SLC34A1: variants seen among roughly 807,000 people sequenced by gnomAD.
SLC34A1 encodes solute carrier family 34 member 1, also known as sodium-dependent phosphate transport protein 2A.
A neutral mutation model predicts 51.4 loss-of-function variants in SLC34A1; 57 were observed. The ratio of observed to expected loss-of-function variants is 1.11; its 90% CI spans 0.90 to 1.38. SLC34A1 has a LOEUF of 1.38. Among genes scored for constraint, SLC34A1 ranks in the 40% most tolerant of loss-of-function variants. The pLI, the probability that SLC34A1 is intolerant of heterozygous loss-of-function variation, is 0.00. For missense variants in SLC34A1, 796 were observed against 835.6 expected, an observed-to-expected ratio of 0.95 and a Z score of 0.58; for synonymous variants, 368 against 358.0, an observed-to-expected ratio of 1.03 and a Z score of -0.32.
Position 177,388,079 on chromosome 5 carries a change from C to G in SLC34A1, c.730C>G (p.Leu244Val). ...LLPLEAATGY[L>V]HHITRLVVAS... The stretch of plus-strand genomic sequence containing the variant: ...GCCCCTGGAGGCTGCCACTGGCTAC[C>G]TGCACCACATCACTCGACTTGTGGT... Residue 244 changes from leucine (L) to valine (V), a missense_variant, in exon 7 of 13, where the codon CTG becomes GTG. Transcript: ENST00000324417. The surrounding 1 kb of genome is among the most constrained non-coding windows in gnomAD (Gnocchi z 4.3). The G allele has an allele frequency of 6.2e-7, 1 of 1,614,122 alleles. No homozygotes were observed. Among genetic ancestry groups the G allele is most frequent in the Non-Finnish European group, 8.5e-7 (1 of 1,180,016 alleles).
Position 177,396,833 on chromosome 5 carries a change from C to T in SLC34A1, c.1275C>T (p.Ala425=), listed in dbSNP as rs749159081. The T allele has an allele frequency of 6.2e-7, 1 of 1,614,252 alleles. No homozygotes were observed. The highest frequency in any genetic ancestry group is 8.5e-7 in the Non-Finnish European group (1 of 1,180,050). ...VVQSSSVFTS[A]ITPLIGLGVI... is the part of the protein sequence containing the mutation. Reference sequence around the variant, plus strand: ...AGAGCAGTTCTGTGTTCACCTCGGCCATCACCCCACTCATCGGTGAGTGCC... The same window carrying T: ...AGAGCAGTTCTGTGTTCACCTCGGCTATCACCCCACTCATCGGTGAGTGCC... The change falls in exon 11 of 13, where the codon GCC becomes GCT. Residue 425 remains alanine, a synonymous_variant. Transcript: ENST00000324417. This position sits in a 1 kb window ranked among gnomAD's most constrained non-coding sequence, Gnocchi z 4.0.
intron 8 of SLC34A1, chr5:177,390,192 A>C: frequency 4.0e-6 from 4 of 1,000,958 alleles, no homozygotes; most frequent in Non-Finnish European, 4.8e-6. Context: ...GTCTCCAGGG[A>C]AGCTATGCAC....
intron 10 of SLC34A1, among the ~76,000 whole-genome samples, chr5:177,395,785 C>T (rs1046783813): frequency 9.9e-5 from 15 of 152,072 alleles, no homozygotes; most frequent in Admixed American, 7.9e-4. Flanking sequence ...AGGTGTGCAC[C>T]GCCACACTCA....
In SLC34A1 at chr5:177,385,654, G is replaced by C. The variant is rs1762534612; in HGVS notation, c.-47-41G>C. 7 of 923,020 alleles carry C rather than the reference G, an allele frequency of 7.6e-6. No individual in the cohort carries two copies. In the Admixed American group the frequency reaches 1.4e-4, roughly 18 times the overall value. The allele number at this position is 923,020 out of a possible 1,614,324, so 57.2% of individuals were successfully genotyped here. A position where few individuals can be genotyped will look rare whatever the true frequency, so the allele number is the denominator to read the frequency against. Reference sequence around the variant, plus strand: ...CATGGGGGTTTGTGCAGGTGAGGGTGTGTGGGCATGAGTGTCCCGGACACA... The same window carrying C: ...CATGGGGGTTTGTGCAGGTGAGGGTCTGTGGGCATGAGTGTCCCGGACACA... On this transcript the variant is annotated intron_variant, in intron 1 of 12. Transcript: ENST00000324417.
At chr5:177,397,379 C>A in intron 12 of SLC34A1, 1 of 494,474 alleles carries the variant, frequency 2.0e-6, no homozygotes, top group Non-Finnish European at 3.7e-6. Flanking sequence ...GAATCCATTG[C>A]GGGGGTCAAG....
At chr5:177,385,664 G>A in intron 1 of SLC34A1, 31 bp from the exon 2 acceptor site, 1 of 1,031,590 alleles carries the variant, frequency 9.7e-7, no homozygotes, top group Non-Finnish European at 1.5e-6. Flanking sequence ...GTGTGGGCAT[G>A]AGTGTCCCGG....
intron 8 of SLC34A1, among the ~76,000 whole-genome samples, chr5:177,392,927 G>A (rs927847157): frequency 1.3e-5 from 2 of 152,194 alleles, no homozygotes; most frequent in African/African-American, 4.8e-5. Flanking sequence ...CAGATTGGGA[G>A]ATTTCATCTA....
intron 8 of SLC34A1, among the ~76,000 whole-genome samples, chr5:177,391,875 AG>A (rs1250185200): frequency 1.3e-5 from 2 of 152,218 alleles, no homozygotes; most frequent in Admixed American, 1.3e-4. Context: ...TGGCTTACCC[AG>A]GGTGGTTGGT....
chr5:177,390,000 G>A, intron 8 of SLC34A1: 1 of 1,349,964 alleles, frequency 7.4e-7, no homozygotes, highest in Non-Finnish European at 9.5e-7. Context: ...TCCCCTTTCT[G>A]GGACAGCGCC....
intron 1 of SLC34A1, among the ~76,000 whole-genome samples, chr5:177,384,979 C>T (rs963846046): frequency 5.3e-5 from 8 of 152,136 alleles, no homozygotes; most frequent in African/African-American, 1.9e-4. Flanking sequence ...GATCAGGGCA[C>T]TCCACCCCAA....
At chr5:177,390,807 C>G (rs982713374) in intron 8 of SLC34A1, among the ~76,000 whole-genome samples, 9 of 152,094 alleles carry the variant, frequency 5.9e-5, no homozygotes, top group Non-Finnish European at 1.2e-4. Context: ...GCTTAATCAC[C>G]TCCTTCAGTC....
chr5:177,393,853 AG>A, intron 9 of SLC34A1, 90 bp downstream of exon 9: 2 of 1,502,784 alleles, frequency 1.3e-6, no homozygotes, highest in African/African-American at 2.7e-5. Flanking sequence ...TATTGTGTCC[AG>A]CCCCAGGAAG....
At chr5:177,389,861 A>C in intron 8 of SLC34A1, 1 of 1,462,132 alleles carries the variant, frequency 6.8e-7, no homozygotes, top group East Asian at 2.5e-5. Context: ...TGCAGCTGAC[A>C]CTTGTCCAGC....
chr5:177,389,602 T>C (rs931224851), intron 8 of SLC34A1: 4 of 1,537,034 alleles, frequency 2.6e-6, no homozygotes, highest in African/African-American at 1.4e-5. Context: ...GCACTCTTAG[T>C]GCTCTCTGAC....
At chr5:177,393,195 G>A (rs527762968) in intron 8 of SLC34A1, among the ~76,000 whole-genome samples, 14 of 152,310 alleles carry the variant, frequency 9.2e-5, no homozygotes, top group South Asian at 4.1e-4. Flanking sequence ...CAGAAGAGAC[G>A]TGTGGGCTGG....
Position 177,386,324 on chromosome 5 carries a change from C to T in SLC34A1, c.363C>T (p.Leu121=). ...TCTTCGTCTGCTCCCTGGACATGCT[C>T]AGCTCGGCCTTCCAGCTGGCTGGAG... ...LYLFVCSLDM[L]SSAFQLAGGK... The change falls in exon 4 of 13, where the codon CTC becomes CTT. Residue 121 remains leucine, a synonymous_variant. Coordinates refer to ENST00000324417, the MANE Select transcript of SLC34A1 (RefSeq NM_003052.5). This position sits in a 1 kb window ranked among gnomAD's most constrained non-coding sequence, Gnocchi z 4.8. 6.2e-7 allele frequency: 1 copy of T among 1,614,254 alleles called. No homozygotes were observed. Among genetic ancestry groups the T allele is most frequent in the Non-Finnish European group, 8.5e-7 (1 of 1,180,038 alleles).
chr5:177,396,833 C>A lies in SLC34A1; in HGVS notation c.1275C>A (p.Ala425=), dbSNP rs749159081. Residue 425 remains alanine, a synonymous_variant, in exon 11 of 13, where the codon GCC becomes GCA. Coordinates refer to ENST00000324417, the MANE Select transcript of SLC34A1 (RefSeq NM_003052.5). This position sits in a 1 kb window ranked among gnomAD's most constrained non-coding sequence, Gnocchi z 4.0. ...AGAGCAGTTCTGTGTTCACCTCGGC[C>A]ATCACCCCACTCATCGGTGAGTGCC... ...VVQSSSVFTS[A]ITPLIGLGVI... is the part of the protein sequence containing the mutation. The A allele has an allele frequency of 1.2e-6, 2 of 1,614,252 alleles. No individual in the cohort carries two copies. The highest frequency in any genetic ancestry group is 1.1e-5 in the South Asian group (1 of 91,090).
At chr5:177,390,635 A>G (rs6420094) in intron 8 of SLC34A1, 44,245 of 152,436 alleles carry the variant, frequency 0.29, 6,842 homozygotes, top group Middle Eastern at 0.38. Context: ...GACTCCAGAG[A>G]TAGCGGGTGT....
chr5:177,387,126 T>C (rs1443369253), intron 5 of SLC34A1, among the ~76,000 whole-genome samples: 1 of 151,538 alleles, frequency 6.6e-6, no homozygotes, highest in Non-Finnish European at 1.5e-5. Context: ...ATCCCAGCAC[T>C]TTGGGAGGCT....
Sources: allele counts gnomAD v4.1 joint callset (sites outside exome capture counted in the v4.1 genomes callset), GRCh38; gene constraint gnomAD v4.1.1; non-coding constraint Gnocchi (gnomAD v3.1); transcripts MANE v1.5; gene names NCBI Gene and HGNC (gene_info 2026-07-23, HGNC 2026-07-21).